Variants in PDS5B observed in about 807,000 individuals in gnomAD.
The protein encoded by PDS5B is sister chromatid cohesion protein PDS5 homolog B.
Under a neutral mutation model 184.1 loss-of-function variants are expected in PDS5B, and 51 were observed. The observed-to-expected ratio is 0.28, with a 90% CI of 0.22 to 0.35. The LOEUF (loss-of-function observed/expected upper bound fraction) is 0.35. PDS5B is among the 10% of genes least tolerant of loss of function. The pLI is 1.00. For synonymous variants in PDS5B, 566 were observed against 569.2 expected, an observed-to-expected ratio of 0.99 and a Z score of 0.08; for missense variants, 1,180 against 1,723.3, an observed-to-expected ratio of 0.68 and a Z score of 5.58.
chr13:32,621,696 C>G (rs1418243477), intron 1 of PDS5B, among the ~76,000 whole-genome samples: 2 of 151,990 alleles, frequency 1.3e-5, no homozygotes, highest in African/African-American at 2.4e-5. Flanking sequence ...GAAATAACAT[C>G]TAAAATAGCA....
chr13:32,711,278 G>C (rs913899617), intron 19 of PDS5B, among the ~76,000 whole-genome samples: 53 of 150,092 alleles, frequency 3.5e-4, no homozygotes, highest in African/African-American at 1.1e-3. Flanking sequence ...ACATGAGCCA[G>C]CGTGCCTGGC....
chr13:32,761,691 T>A (rs960053551), intron 30 of PDS5B, among the ~76,000 whole-genome samples: 5 of 152,222 alleles, frequency 3.3e-5, no homozygotes, highest in African/African-American at 4.8e-5. Context: ...TTCATTTTTT[T>A]AATCCAGTCC....
intron 1 of PDS5B, among the ~76,000 whole-genome samples, chr13:32,625,331 C>T (rs996156594): frequency 9.2e-5 from 14 of 152,110 alleles, no homozygotes; most frequent in African/African-American, 2.7e-4. Context: ...CCTGTCTCAG[C>T]GTCCTGAGTA....
At chr13:32,624,923 G>C (rs1299761967) in intron 1 of PDS5B, among the ~76,000 whole-genome samples, 1 of 152,112 alleles carries the variant, frequency 6.6e-6, no homozygotes, top group East Asian at 1.9e-4. Context: ...ATAAGAGACA[G>C]ATGGTGAGTG....
At chr13:32,751,748 T>C (rs1953990071) in intron 24 of PDS5B, among the ~76,000 whole-genome samples, 1 of 152,240 alleles carries the variant, frequency 6.6e-6, no homozygotes, top group Non-Finnish European at 1.5e-5. Flanking sequence ...AGATTCTGGA[T>C]ATTAGACTTT....
At chr13:32,688,713 C>A in intron 13 of PDS5B, 144 bp downstream of exon 13, 1 of 602,516 alleles carries the variant, frequency 1.7e-6, no homozygotes, top group South Asian at 2.0e-5. Flanking sequence ...TAGTACTTGG[C>A]TATTTTTTCA....
intron 1 of PDS5B, among the ~76,000 whole-genome samples, chr13:32,617,168 A>G (rs1302625985): frequency 6.6e-6 from 1 of 152,210 alleles, no homozygotes; most frequent in Non-Finnish European, 1.5e-5. Context: ...TGGCTAGAAG[A>G]ATTGCCGTAT....
chr13:32,668,909 C>T (rs1379729056), intron 7 of PDS5B, among the ~76,000 whole-genome samples: 1 of 152,124 alleles, frequency 6.6e-6, no homozygotes, highest in Non-Finnish European at 1.5e-5. Flanking sequence ...TAGAGAATCC[C>T]AAGCATACGA....
At position 32,735,213 on chromosome 13, in the gene PDS5B, C is replaced by T. The variant is rs1402483764; in HGVS notation, c.2289C>T (p.Leu763=). Residue 763 remains leucine, a synonymous_variant, in exon 21 of 35, where the codon CTC becomes CTT. Coordinates refer to ENST00000315596, the MANE Select transcript of PDS5B (RefSeq NM_015032.4). ...TAGATCCAAGCAACCTGGAACATCT[C>T]ATAACACCATTGGTTACTATTGGTC... ...KSLDPSNLEH[L]ITPLVTIGHI... is the part of the protein sequence containing the mutation. The T allele has an allele frequency of 6.8e-6, 11 of 1,610,850 alleles. 1 individual carries two copies. The highest frequency in any genetic ancestry group is 9.3e-6 in the Non-Finnish European group (11 of 1,178,224).
intron 1 of PDS5B, among the ~76,000 whole-genome samples, chr13:32,593,949 T>C (rs559885720): frequency 6.6e-6 from 1 of 152,272 alleles, no homozygotes; most frequent in African/African-American, 2.4e-5. Context: ...CCTGTGTTGT[T>C]GTTACATATT....
chr13:32,628,552 GAA>G (rs35988429), intron 1 of PDS5B, among the ~76,000 whole-genome samples: 3 of 139,366 alleles, frequency 2.2e-5, no homozygotes, highest in Non-Finnish European at 3.1e-5. Flanking sequence ...CCATCTCAGG[GAA>G]AAAAAAAAAA....
intron 21 of PDS5B, among the ~76,000 whole-genome samples, chr13:32,738,184 A>G (rs991533847): frequency 2.1e-4 from 32 of 152,092 alleles, no homozygotes; most frequent in African/African-American, 7.2e-4. Flanking sequence ...GAATGTTTCT[A>G]TTGAAGCCCC....
chr13:32,624,501 T>C (rs1051312347), intron 1 of PDS5B, among the ~76,000 whole-genome samples: 1 of 152,196 alleles, frequency 6.6e-6, no homozygotes, highest in Non-Finnish European at 1.5e-5. Context: ...CAGCAGCCTC[T>C]TGTTGCTTGC....
At chr13:32,647,711 T>G (rs17515873) in intron 1 of PDS5B, among the ~76,000 whole-genome samples, 56,335 of 152,036 alleles carry the variant, frequency 0.37, 11,034 homozygotes, top group Non-Finnish European at 0.44. Flanking sequence ...TTTTTTTGTT[T>G]CCTGTAGATA....
intron 11 of PDS5B, among the ~76,000 whole-genome samples, chr13:32,686,134 A>T (rs149060398): frequency 6.6e-6 from 1 of 152,202 alleles, no homozygotes; most frequent in Admixed American, 6.5e-5. Flanking sequence ...CAGATTCATG[A>T]TGTTTTCAAC....
At chr13:32,736,676 G>A (rs927030083) in intron 21 of PDS5B, among the ~76,000 whole-genome samples, 6 of 151,846 alleles carry the variant, frequency 4.0e-5, no homozygotes, top group Non-Finnish European at 8.8e-5. Flanking sequence ...TAATTTTTAG[G>A]CATTATCTTT....
chr13:32,741,300 G>T, intron 22 of PDS5B, 152 bp downstream of exon 22: 1 of 484,750 alleles, frequency 2.1e-6, no homozygotes, highest in Admixed American at 4.0e-5. Flanking sequence ...GAGACTATAG[G>T]GTAATAATGA....
chr13:32,725,079 ATTC>A (rs1249243387), intron 19 of PDS5B, among the ~76,000 whole-genome samples: 2 of 152,174 alleles, frequency 1.3e-5, no homozygotes, highest in Non-Finnish European at 2.9e-5. Context: ...TCTTATTGTC[ATTC>A]TTCTTCATTT....
intron 19 of PDS5B, among the ~76,000 whole-genome samples, chr13:32,719,275 T>G (rs1952585577): frequency 6.6e-6 from 1 of 152,172 alleles, no homozygotes; most frequent in African/African-American, 2.4e-5. Flanking sequence ...CTCAACTTCC[T>G]GGGCTCAATC....
Sources: allele counts gnomAD v4.1 joint callset (sites outside exome capture counted in the v4.1 genomes callset), GRCh38; gene constraint gnomAD v4.1.1; transcripts MANE v1.5; gene names NCBI Gene and HGNC (gene_info 2026-07-23, HGNC 2026-07-21).